EXOC6B: variants seen among roughly 807,000 people sequenced by gnomAD.
EXOC6B encodes exocyst complex component 6B, also known as SEC15 homolog B.
EXOC6B carries 54 observed loss-of-function variants against 113.5 expected under a neutral mutation model. The observed-to-expected ratio is 0.48, with a 90% CI of 0.38 to 0.60. EXOC6B has a LOEUF of 0.60. Among genes scored for constraint, EXOC6B ranks in the 20% least tolerant of loss-of-function variants. The pLI is 0.00. For missense variants in EXOC6B, 797 were observed against 977.5 expected (o/e 0.82, Z 2.46); for synonymous variants, 357 against 339.0 (o/e 1.05, Z -0.58).
intron 6 of EXOC6B, among the ~76,000 whole-genome samples, chr2:72,594,012 A>C (rs1669912563): frequency 6.6e-6 from 1 of 152,126 alleles, no homozygotes; most frequent in Non-Finnish European, 1.5e-5. Flanking sequence ...ACAGGCTTTT[A>C]CTGCGTTGTC....
At chr2:72,608,117 T>C (rs1471881454) in intron 6 of EXOC6B, among the ~76,000 whole-genome samples, 2 of 152,066 alleles carry the variant, frequency 1.3e-5, no homozygotes, top group African/African-American at 2.4e-5. Flanking sequence ...GAACACAACA[T>C]ACAAGATTCT....
At chr2:72,274,921 A>T (rs1445871937) in intron 20 of EXOC6B, among the ~76,000 whole-genome samples, 1 of 152,150 alleles carries the variant, frequency 6.6e-6, no homozygotes, top group Non-Finnish European at 1.5e-5. Flanking sequence ...GTGGAATGAT[A>T]TTACATAATT....
intron 20 of EXOC6B, among the ~76,000 whole-genome samples, chr2:72,296,483 T>C (rs927495853): frequency 1.3e-5 from 2 of 152,212 alleles, no homozygotes; most frequent in African/African-American, 4.8e-5. Flanking sequence ...GACCCATATG[T>C]ATAGCATACA....
intron 6 of EXOC6B, among the ~76,000 whole-genome samples, chr2:72,627,143 TAC>T (rs1044046209): frequency 2.6e-5 from 4 of 152,282 alleles, no homozygotes; most frequent in African/African-American, 9.6e-5. Flanking sequence ...GCAGAATTCC[TAC>T]ACAGACTTTT....
chr2:72,241,835 T>C (rs1256377939), intron 20 of EXOC6B, among the ~76,000 whole-genome samples: 1 of 152,178 alleles, frequency 6.6e-6, no homozygotes, highest in Non-Finnish European at 1.5e-5. Flanking sequence ...TTTGTGCTGG[T>C]AGACCTGCTC....
In EXOC6B at chr2:72,220,065, T is replaced by A. The variant is rs139942926; in HGVS notation, c.2197-35878A>T. Among the ~76,000 whole-genome samples, 7 of 152,308 alleles carry A rather than the reference T, an allele frequency of 4.6e-5. No individual in the cohort carries two copies. In the East Asian group the frequency reaches 1.4e-3, roughly 29 times the overall value. ...TCTCAGGGAAGCTGCAGAGATTAAG[T>A]AGCCAATAAACAATTGTAAAGGGAT... On this transcript the variant is annotated intron_variant, in intron 20 of 21. Transcript: ENST00000272427.
chr2:72,718,992 T>G (rs1055621851), intron 5 of EXOC6B, among the ~76,000 whole-genome samples: 32 of 152,290 alleles, frequency 2.1e-4, no homozygotes, highest in Admixed American at 1.9e-3. Flanking sequence ...AAAACAAATG[T>G]AAACTATCCA....
chr2:72,498,437 TATAG>T lies in EXOC6B; in HGVS notation c.1337+13_1337+16del. ...GTACATGAACACACACACATATGAC[TATAG>T]ATAATTTCTCACCTGAAAATACCTG... is the stretch of plus-strand genomic sequence containing the variant. On this transcript the variant is annotated intron_variant, in intron 13 of 21. Transcript: ENST00000272427. The T allele has an allele frequency of 2.6e-6, 4 of 1,562,340 alleles. No homozygotes were observed. The highest frequency in any genetic ancestry group is 1.1e-5 in the South Asian group (1 of 88,332).
At chr2:72,795,142 G>T (rs1396383296) in intron 1 of EXOC6B, among the ~76,000 whole-genome samples, 1 of 152,168 alleles carries the variant, frequency 6.6e-6, no homozygotes, top group East Asian at 1.9e-4. Context: ...GATTACTAGG[G>T]TTGGAAGATA....
intron 6 of EXOC6B, among the ~76,000 whole-genome samples, chr2:72,636,113 C>T (rs1011229928): frequency 1.8e-4 from 27 of 152,018 alleles, no homozygotes; most frequent in Non-Finnish European, 1.9e-4. Flanking sequence ...GTTCCAGCTA[C>T]TCAGGAGGCT....
At chr2:72,644,699 G>A (rs1673559230) in intron 6 of EXOC6B, among the ~76,000 whole-genome samples, 1 of 152,146 alleles carries the variant, frequency 6.6e-6, no homozygotes, top group South Asian at 2.1e-4. Context: ...AGCTTCATAA[G>A]TGAAGGAGAA....
intron 16 of EXOC6B, among the ~76,000 whole-genome samples, chr2:72,486,644 A>G (rs1699436104): frequency 6.6e-6 from 1 of 152,068 alleles, no homozygotes; most frequent in African/African-American, 2.4e-5. Context: ...TTACCCAACC[A>G]CTACCATTTG....
intron 8 of EXOC6B, among the ~76,000 whole-genome samples, chr2:72,531,221 C>T (rs1701982721): frequency 6.6e-6 from 1 of 151,932 alleles, no homozygotes; most frequent in African/African-American, 2.4e-5. Flanking sequence ...GTAGTGTTTT[C>T]AAGTGTATCT....
intron 18 of EXOC6B, among the ~76,000 whole-genome samples, chr2:72,457,520 A>G (rs953747072): frequency 2.6e-5 from 4 of 152,114 alleles, no homozygotes; most frequent in African/African-American, 9.7e-5. Flanking sequence ...AACAACAGAC[A>G]GAGAAAACAA....
At chr2:72,666,213 C>T (rs544698791) in intron 6 of EXOC6B, among the ~76,000 whole-genome samples, 2 of 152,156 alleles carry the variant, frequency 1.3e-5, no homozygotes, top group Non-Finnish European at 2.9e-5. Flanking sequence ...GCCTTGAACA[C>T]CCTACTGACA....
intron 6 of EXOC6B, among the ~76,000 whole-genome samples, chr2:72,671,594 A>G (rs1474664144): frequency 6.6e-6 from 1 of 151,988 alleles, no homozygotes; most frequent in African/African-American, 2.4e-5. Flanking sequence ...GCTACTCGGG[A>G]GCCTGAGGCA....
At chr2:72,519,927 A>C (rs1438594062) in intron 8 of EXOC6B, among the ~76,000 whole-genome samples, 1 of 152,210 alleles carries the variant, frequency 6.6e-6, no homozygotes, top group Non-Finnish European at 1.5e-5. Flanking sequence ...ACAAAACTCC[A>C]AAGGACATGG....
chr2:72,205,059 C>A (rs2104356097), intron 20 of EXOC6B, among the ~76,000 whole-genome samples: 1 of 152,240 alleles, frequency 6.6e-6, no homozygotes, highest in East Asian at 1.9e-4. Context: ...TTGCTCCTGG[C>A]TTCTCATGAA....
At chr2:72,651,454 T>C (rs138993302) in intron 6 of EXOC6B, among the ~76,000 whole-genome samples, 27 of 152,340 alleles carry the variant, frequency 1.8e-4, no homozygotes, top group African/African-American at 5.0e-4. Context: ...GGAAAACCTC[T>C]GAAGACACAA....
Sources: gnomAD v4.1 joint callset for allele counts (sites outside exome capture counted in the v4.1 genomes callset) on GRCh38, gnomAD v4.1.1 for gene constraint, MANE v1.5 for transcripts, NCBI Gene and HGNC (gene_info 2026-07-23, HGNC 2026-07-21) for gene names.